Variants in TSPAN18 observed in about 807,000 individuals in gnomAD.
TSPAN18 encodes tetraspanin 18.
A neutral mutation model predicts 27.3 loss-of-function variants in TSPAN18; 14 were observed. That is an observed-to-expected ratio of 0.51 (90% confidence interval 0.34 to 0.80). The LOEUF is 0.80. Ranked by LOEUF, TSPAN18 falls within the 30% of genes least tolerant of loss-of-function variation. The pLI, the probability that TSPAN18 is intolerant of heterozygous loss-of-function variation, is 0.01. For missense variants in TSPAN18, 268 were observed against 323.9 expected (o/e 0.83, Z 1.32); for synonymous variants, 143 against 136.5 (o/e 1.05, Z -0.33).
At position 44,908,772 on chromosome 11, in the gene TSPAN18, A is replaced by AAAGAAAGG. The variant is rs1290177501; in HGVS notation, c.64-926_64-925insGAAGAAAG. 2.0e-5 allele frequency among the ~76,000 whole-genome samples: 2 copies of AAAGAAAGG among 101,238 alleles called. 1 individual carries two copies. The highest frequency in any genetic ancestry group is 6.2e-4 in the East Asian group (2 of 3,234). The allele number at this position is 101,238 out of a possible 152,430, so 66.4% of individuals were successfully genotyped here. A position where few individuals can be genotyped will look rare whatever the true frequency, so the allele number is the denominator to read the frequency against. On this transcript the variant is annotated intron_variant, in intron 4 of 9. Coordinates refer to ENST00000520358, the MANE Select transcript of TSPAN18 (RefSeq NM_130783.5). ...AGAGAGAGAGAGAGAGAGAAAGGAG[A>AAAGAAAGG]AAGAAAGAAAGAAAGAAAGAAAGAA...
intron 2 of TSPAN18, among the ~76,000 whole-genome samples, chr11:44,798,501 G>A (rs1387459710): frequency 3.3e-5 from 5 of 152,198 alleles, no homozygotes. Flanking sequence ...CCACTGCCCT[G>A]TCCTGTGAGG....
At chr11:44,890,662 G>A (rs772146752) in intron 3 of TSPAN18, among the ~76,000 whole-genome samples, 5 of 149,240 alleles carry the variant, frequency 3.4e-5, no homozygotes, top group Admixed American at 2.0e-4. Flanking sequence ...GGCGGAGCTT[G>A]CCAGCCTGGG....
chr11:44,809,896 A>G lies in TSPAN18; in HGVS notation c.-153+45384A>G, dbSNP rs182651920. Among the ~76,000 whole-genome samples, 8 of 152,314 alleles carry G rather than the reference A, an allele frequency of 5.3e-5. No individual in the cohort carries two copies. The East Asian group carries it at 1.5e-3, about 29-fold the overall frequency. On this transcript the variant is annotated intron_variant, in intron 2 of 9. Coordinates refer to ENST00000520358, the MANE Select transcript of TSPAN18 (RefSeq NM_130783.5). Reference sequence around the variant, plus strand: ...TAATGCATCTTATATTGTCAAAATTACTTTCTTATCTAGCACCCACTGGGT... The same window carrying G: ...TAATGCATCTTATATTGTCAAAATTGCTTTCTTATCTAGCACCCACTGGGT...
At chr11:44,867,848 G>A (rs980895148) in intron 3 of TSPAN18, among the ~76,000 whole-genome samples, 1 of 152,224 alleles carries the variant, frequency 6.6e-6, no homozygotes, top group African/African-American at 2.4e-5. Flanking sequence ...ACTGGGTGGA[G>A]TGAGCAGAGG....
chr11:44,919,590 C>T (rs917607406), intron 7 of TSPAN18: 25 of 611,040 alleles, frequency 4.1e-5, no homozygotes, highest in Middle Eastern at 4.3e-4. Context: ...TGGCTAAGCG[C>T]CTGGTGAGGT....
At chr11:44,927,191 T>C (rs1860392526) in intron 9 of TSPAN18, among the ~76,000 whole-genome samples, 1 of 152,220 alleles carries the variant, frequency 6.6e-6, no homozygotes, top group East Asian at 1.9e-4. Flanking sequence ...TCCACAACGG[T>C]GGCCTTAGCC....
At chr11:44,738,107 T>C (rs1854841651) in intron 1 of TSPAN18, among the ~76,000 whole-genome samples, 1 of 152,182 alleles carries the variant, frequency 6.6e-6, no homozygotes, top group Admixed American at 6.5e-5. Context: ...TGTTCTTCCT[T>C]GTATCCAAGG....
At chr11:44,767,167 C>A (rs754064096) in intron 2 of TSPAN18, among the ~76,000 whole-genome samples, 1 of 152,138 alleles carries the variant, frequency 6.6e-6, no homozygotes, top group Non-Finnish European at 1.5e-5. Flanking sequence ...TGTGTCAGCT[C>A]CCTGTCCTGA....
chr11:44,872,943 C>T (rs916031219), intron 3 of TSPAN18, among the ~76,000 whole-genome samples: 13 of 152,150 alleles, frequency 8.5e-5, no homozygotes, highest in Admixed American at 6.5e-4. Context: ...CTGAGTGTTC[C>T]GACAGGGCAG....
At chr11:44,780,716 G>T (rs1855918503) in intron 2 of TSPAN18, among the ~76,000 whole-genome samples, 1 of 152,216 alleles carries the variant, frequency 6.6e-6, no homozygotes, top group Non-Finnish European at 1.5e-5. Context: ...GCTATGTCAT[G>T]TCACCCCCAA....
rs571933507 is a variant in TSPAN18 at position 44,799,326 on chromosome 11, G to A, written c.-153+34814G>A. Among the ~76,000 whole-genome samples, 7 of 152,214 alleles carry A rather than the reference G, an allele frequency of 4.6e-5. No homozygotes were observed. The East Asian group carries it at 7.7e-4, about 17-fold the overall frequency. On this transcript the variant is annotated intron_variant, in intron 2 of 9. Coordinates refer to ENST00000520358, the MANE Select transcript of TSPAN18 (RefSeq NM_130783.5). ...CTGTCCCGCACCCCACCCCAACTTCGGAGCGGCCACTGCCCTTGCACACCC... is the reference window on the plus strand; with the variant it reads ...CTGTCCCGCACCCCACCCCAACTTCAGAGCGGCCACTGCCCTTGCACACCC...
chr11:44,788,598 C>A lies in TSPAN18; in HGVS notation c.-153+24086C>A, dbSNP rs920610637. ...CCAGCCTCCGGAGTAGCTGGGATTA[C>A]AGGCATGTGCCACCACGCCCAACTA... is the stretch of plus-strand genomic sequence containing the variant. On this transcript the variant is annotated intron_variant, in intron 2 of 9. Transcript: ENST00000520358. 3.3e-5 allele frequency among the ~76,000 whole-genome samples: 5 copies of A among 151,858 alleles called. No homozygotes were observed. The South Asian group carries it at 1.0e-3, about 32-fold the overall frequency.
At chr11:44,917,787 T>C (rs1859967345) in intron 5 of TSPAN18, 185 bp from the exon 6 acceptor site, 2 of 603,858 alleles carry the variant, frequency 3.3e-6, no homozygotes, top group Middle Eastern at 4.4e-4. Context: ...CTCAATCCTG[T>C]TGACTCCAAG....
chr11:44,915,653 G>A (rs972388462), intron 5 of TSPAN18, among the ~76,000 whole-genome samples: 2 of 152,200 alleles, frequency 1.3e-5, no homozygotes, highest in African/African-American at 4.8e-5. Context: ...TCAGAAGAGA[G>A]TGACAGAGCA....
intron 5 of TSPAN18, 135 bp downstream of exon 5, chr11:44,910,034 G>A: frequency 2.8e-6 from 3 of 1,086,622 alleles, no homozygotes; most frequent in Non-Finnish European, 2.6e-6. Context: ...AAAGCAGAAG[G>A]GATCATGGAG....
chr11:44,885,698 C>T (rs1858626805), intron 3 of TSPAN18, among the ~76,000 whole-genome samples: 1 of 152,184 alleles, frequency 6.6e-6, no homozygotes, highest in South Asian at 2.1e-4. Flanking sequence ...AGGCCCAAGC[C>T]CCAGGTTCTC....
intron 2 of TSPAN18, among the ~76,000 whole-genome samples, chr11:44,797,045 T>G (rs1590484946): frequency 6.6e-6 from 1 of 152,138 alleles, no homozygotes; most frequent in East Asian, 1.9e-4. Flanking sequence ...CTGTGGAGAT[T>G]TTTTCCTTTG....
At chr11:44,828,623 C>A (rs568066141) in intron 2 of TSPAN18, among the ~76,000 whole-genome samples, 1 of 152,290 alleles carries the variant, frequency 6.6e-6, no homozygotes, top group African/African-American at 2.4e-5. Context: ...CTAGCTAGAC[C>A]TCTTTCCTAC....
intron 5 of TSPAN18, among the ~76,000 whole-genome samples, chr11:44,910,592 T>A (rs1859672398): frequency 6.6e-6 from 1 of 152,212 alleles, no homozygotes. Flanking sequence ...AATATATAAC[T>A]CCTTAGTAAC....
Sources: gnomAD v4.1 joint callset for allele counts (sites outside exome capture counted in the v4.1 genomes callset) on GRCh38, gnomAD v4.1.1 for gene constraint, MANE v1.5 for transcripts, NCBI Gene and HGNC (gene_info 2026-07-23, HGNC 2026-07-21) for gene names.